HTR1E: variants seen among roughly 807,000 people sequenced by gnomAD.
HTR1E encodes 5-hydroxytryptamine receptor 1E.
HTR1E carries 3 observed loss-of-function variants against 3.4 expected under a neutral mutation model. The observed-to-expected ratio is 0.89, with a 90% CI of 0.41 to 2.31. The LOEUF (loss-of-function observed/expected upper bound fraction) is 2.31. Ranked by LOEUF, HTR1E falls within the 30% of genes most tolerant of loss-of-function variation. The pLI, the probability that HTR1E is intolerant of heterozygous loss-of-function variation, is 0.05. For missense variants in HTR1E, 392 were observed against 467.0 expected, an observed-to-expected ratio of 0.84 and a Z score of 1.48; for synonymous variants, 170 against 182.8, an observed-to-expected ratio of 0.93 and a Z score of 0.56.
intron 1 of HTR1E, among the ~76,000 whole-genome samples, chr6:86,945,202 C>T (rs1039563970): frequency 6.6e-6 from 1 of 152,112 alleles, no homozygotes; most frequent in Admixed American, 6.6e-5. Flanking sequence ...AATCCTGAGC[C>T]TGTGTAGGCT....
chr6:86,967,751 T>C (rs959369678), intron 1 of HTR1E, among the ~76,000 whole-genome samples: 1 of 152,208 alleles, frequency 6.6e-6, no homozygotes, highest in Non-Finnish European at 1.5e-5. Context: ...TTGTGTTCAG[T>C]GTTTTTTACA....
chr6:86,944,197 G>T (rs891497216), intron 1 of HTR1E, among the ~76,000 whole-genome samples: 2 of 152,196 alleles, frequency 1.3e-5, no homozygotes, highest in African/African-American at 4.8e-5. Flanking sequence ...AGGTCTTTTT[G>T]TAACCTGATA....
intron 1 of HTR1E, among the ~76,000 whole-genome samples, chr6:86,984,266 A>G (rs1002105762): frequency 1.3e-5 from 2 of 152,246 alleles, no homozygotes; most frequent in African/African-American, 2.4e-5. Flanking sequence ...TGTGTAAAAT[A>G]TAATACTGTC....
chr6:86,953,553 T>A (rs1237683936), intron 1 of HTR1E, among the ~76,000 whole-genome samples: 1 of 152,170 alleles, frequency 6.6e-6, no homozygotes, highest in Non-Finnish European at 1.5e-5. Flanking sequence ...GATGCTACAC[T>A]AGGCATCTTC....
At chr6:87,003,622 G>A (rs949950025) in intron 1 of HTR1E, among the ~76,000 whole-genome samples, 1 of 151,666 alleles carries the variant, frequency 6.6e-6, no homozygotes, top group Non-Finnish European at 1.5e-5. Flanking sequence ...AAACCTGTGG[G>A]ATACAGCAAA....
intron 1 of HTR1E, among the ~76,000 whole-genome samples, chr6:86,961,635 A>C (rs1316883143): frequency 6.6e-6 from 1 of 152,212 alleles, no homozygotes; most frequent in Non-Finnish European, 1.5e-5. Context: ...GGCTGTTAAG[A>C]AGCTCTGACT....
At chr6:86,972,030 T>G (rs1767564384) in intron 1 of HTR1E, among the ~76,000 whole-genome samples, 1 of 152,196 alleles carries the variant, frequency 6.6e-6, no homozygotes, top group African/African-American at 2.4e-5. Flanking sequence ...AAGAAAATGT[T>G]TGTTCTATTG....
At chr6:86,962,793 G>A (rs1360676903) in intron 1 of HTR1E, among the ~76,000 whole-genome samples, 1 of 152,098 alleles carries the variant, frequency 6.6e-6, no homozygotes, top group African/African-American at 2.4e-5. Context: ...AACCAAGATT[G>A]TGCCACTGCA....
chr6:86,983,834 C>G lies in HTR1E; in HGVS notation c.-185-31316C>G, dbSNP rs188671898. Among the ~76,000 whole-genome samples the G allele has an allele frequency of 3.6e-3, 546 of 152,070 alleles. 2 individuals carry two copies. Among genetic ancestry groups the G allele is most frequent in the African/African-American group, 0.013 (525 of 41,498 alleles). On this transcript the variant is annotated intron_variant, in intron 1 of 1. Transcript: ENST00000305344. ...TTCTATTTATAACTGATTGAATAAA[C>G]CTATTCATTTTACTAAACAATTAGT...
chr6:86,994,958 T>C lies in HTR1E; in HGVS notation c.-185-20192T>C, dbSNP rs189352376. On this transcript the variant is annotated intron_variant, in intron 1 of 1. Transcript: ENST00000305344. Reference sequence around the variant, plus strand: ...ATCATATAATATCTAGAGCAACTACTAAAAGAGCTCTACAAAGAGGTAAAT... The same window carrying C: ...ATCATATAATATCTAGAGCAACTACCAAAAGAGCTCTACAAAGAGGTAAAT... Among the ~76,000 whole-genome samples, 346 of 152,240 alleles carry C rather than the reference T, an allele frequency of 2.3e-3. 2 individuals carry two copies. The highest frequency in any genetic ancestry group is 4.0e-3 in the Non-Finnish European group (269 of 68,006).
At chr6:86,945,394 A>G (rs1442120583) in intron 1 of HTR1E, among the ~76,000 whole-genome samples, 1 of 151,966 alleles carries the variant, frequency 6.6e-6, no homozygotes, top group East Asian at 1.9e-4. Flanking sequence ...GGCACTCACC[A>G]CCATGCCCAG....
At chr6:86,974,212 C>T (rs1389657910) in intron 1 of HTR1E, among the ~76,000 whole-genome samples, 1 of 152,164 alleles carries the variant, frequency 6.6e-6, no homozygotes, top group East Asian at 1.9e-4. Context: ...CAGCCTAATG[C>T]TCCATCACAG....
chr6:86,945,237 TTTTG>T (rs55799709), intron 1 of HTR1E, among the ~76,000 whole-genome samples: 2,805 of 151,788 alleles, frequency 0.018, 45 homozygotes, highest in Middle Eastern at 0.027. Context: ...TGTATCTTAG[TTTTG>T]TTTGTTTGTT....
chr6:86,957,340 A>G (rs933025571), intron 1 of HTR1E, among the ~76,000 whole-genome samples: 3 of 152,204 alleles, frequency 2.0e-5, no homozygotes, highest in African/African-American at 7.2e-5. Flanking sequence ...AGAATTTTTT[A>G]TTTTAACCTT....
At chr6:86,945,552 G>T (rs1581774) in intron 1 of HTR1E, among the ~76,000 whole-genome samples, 33,227 of 151,672 alleles carry the variant, frequency 0.22, 4,224 homozygotes, top group African/African-American at 0.35. Flanking sequence ...ACAAAAAAGT[G>T]TGAAAAGGAA....
intron 1 of HTR1E, among the ~76,000 whole-genome samples, chr6:87,008,875 C>T (rs1286404186): frequency 3.3e-5 from 5 of 152,172 alleles, no homozygotes; most frequent in Non-Finnish European, 7.3e-5. Context: ...AACACAGAAG[C>T]TGTGTCTCAA....
At chr6:86,938,655 C>T (rs1451868364) in intron 1 of HTR1E, among the ~76,000 whole-genome samples, 1 of 152,198 alleles carries the variant, frequency 6.6e-6, no homozygotes, top group East Asian at 1.9e-4. Context: ...ATGGTGTCAG[C>T]ATCCCAAGGT....
chr6:87,001,683 G>A (rs1035158831), intron 1 of HTR1E, among the ~76,000 whole-genome samples: 2 of 152,174 alleles, frequency 1.3e-5, no homozygotes, highest in Non-Finnish European at 2.9e-5. Context: ...GAAGCATCTG[G>A]CATCTTATTG....
At chr6:86,992,285 T>A (rs149116102) in intron 1 of HTR1E, among the ~76,000 whole-genome samples, 108 of 152,352 alleles carry the variant, frequency 7.1e-4, no homozygotes, top group African/African-American at 2.6e-3. Context: ...ATTACTTGTA[T>A]AACTTGCCCT....
Sources: allele counts gnomAD v4.1 joint callset (sites outside exome capture counted in the v4.1 genomes callset), GRCh38; gene constraint gnomAD v4.1.1; transcripts MANE v1.5; gene names NCBI Gene and HGNC (gene_info 2026-07-23, HGNC 2026-07-21).